The following TM9SF1 variants were observed in gnomAD, a reference collection of about 807,000 sequenced individuals.
TM9SF1 encodes the protein MP70 protein family member.
In TM9SF1, 25 loss-of-function variants were observed where a neutral mutation model predicts 52.4. That is an observed-to-expected ratio of 0.48 (90% CI 0.35 to 0.67). The LOEUF is 0.67. Ranked by LOEUF, TM9SF1 falls within the 30% of genes least tolerant of loss-of-function variation. The pLI is 0.01. For synonymous variants in TM9SF1, 284 were observed against 299.8 expected (o/e 0.95, Z 0.55); for missense variants, 604 against 780.3 (o/e 0.77, Z 2.69).
intron 4 of TM9SF1, among the ~76,000 whole-genome samples, chr14:24,190,943 G>A (rs1312550779): frequency 7.5e-6 from 1 of 132,644 alleles, no homozygotes; most frequent in Non-Finnish European, 1.5e-5. Context: ...CTCACTGCAA[G>A]CTCCGCCTCC....
chr14:24,190,840 C>T (rs904979105), intron 4 of TM9SF1, among the ~76,000 whole-genome samples, 187 bp from the exon 5 acceptor site: 8 of 126,790 alleles, frequency 6.3e-5, no homozygotes, highest in African/African-American at 2.4e-4. Context: ...TCCCATTATT[C>T]TTTGTTCTGT....
Position 24,189,558 on chromosome 14 carries a change from T to C in TM9SF1, c.1678A>G (p.Met560Val), listed in dbSNP as rs962264757. ...SVFYYARRSN[M>V]SGAVQTVEFF... ...TCTACTGTCTGTACTGCCCCAGACA[T>C]GTTGGAGCGCCGGGCATAATAGAAA... Residue 560 changes from methionine (M) to valine (V), a missense_variant, in exon 6 of 6, where the codon ATG becomes GTG. Coordinates refer to ENST00000261789, the MANE Select transcript of TM9SF1 (RefSeq NM_006405.7). 2 of 1,614,000 alleles carry C rather than the reference T, an allele frequency of 1.2e-6. No homozygotes were observed. The highest frequency in any genetic ancestry group is 1.7e-6 in the Non-Finnish European group (2 of 1,180,002).
intron 1 of TM9SF1, 152 bp from the exon 2 acceptor site, chr14:24,195,188 G>A (rs1444888122): frequency 1.1e-5 from 7 of 609,114 alleles, no homozygotes; most frequent in Non-Finnish European, 2.0e-5. Context: ...CAAAGACCCC[G>A]CTCCACCTCT....
At chr14:24,193,919 CA>C (rs773893022) in intron 2 of TM9SF1, among the ~76,000 whole-genome samples, 212 of 124,646 alleles carry the variant, frequency 1.7e-3, no homozygotes, top group Admixed American at 1.8e-3. Context: ...GACTCTGTCT[CA>C]AAAAAAAAAA....
At chr14:24,193,837 G>A (rs1467368697) in intron 2 of TM9SF1, among the ~76,000 whole-genome samples, 9 of 151,576 alleles carry the variant, frequency 5.9e-5, no homozygotes, top group African/African-American at 1.5e-4. Flanking sequence ...GGAGAATGGC[G>A]TGAACCCGGG....
At chr14:24,195,133 C>T in intron 1 of TM9SF1, 97 bp from the exon 2 acceptor site, 2 of 769,178 alleles carry the variant, frequency 2.6e-6, no homozygotes, top group East Asian at 2.6e-5. Context: ...CACTTGCTCC[C>T]ATTGGCCCCC....
chr14:24,192,572 C>T lies in TM9SF1; in HGVS notation c.967+76G>A. ...CCCTCTGGATAGAAGAGAAGATCCA[C>T]AGACCTTTTCTGAACAAACTCCCTA... On this transcript the variant is annotated intron_variant, in intron 3 of 5. Transcript: ENST00000261789. The surrounding 1 kb of genome is among the most constrained non-coding windows in gnomAD (Gnocchi z 4.0). 4.0e-6 allele frequency: 6 copies of T among 1,497,768 alleles called. No homozygotes were observed. Among genetic ancestry groups the T allele is most frequent in the Non-Finnish European group, 5.4e-6 (6 of 1,120,238 alleles). 92.8% of individuals were successfully genotyped at this position (1,497,768 alleles called of 1,614,324 possible).
intron 2 of TM9SF1, 52 bp downstream of exon 2, chr14:24,194,623 T>A: frequency 6.6e-7 from 1 of 1,506,644 alleles, no homozygotes; most frequent in Non-Finnish European, 9.2e-7. Flanking sequence ...TGTAAGGCAC[T>A]GTTAGTCTCT....
In TM9SF1 at chr14:24,192,434, T is replaced by C. The variant is rs1029530474; in HGVS notation, c.968-78A>G. 1 of 1,515,038 alleles carries C rather than the reference T, an allele frequency of 6.6e-7. No homozygotes were observed. Among genetic ancestry groups the C allele is most frequent in the African/African-American group, 1.4e-5 (1 of 72,750 alleles). 93.8% of individuals were successfully genotyped at this position (1,515,038 alleles called of 1,614,324 possible). ...GCAATTTCAGAGGAATCAGCCCCCC[T>C]TCTCCCAGACCCAGGGCCTCCAGCA... On this transcript the variant is annotated intron_variant, in intron 3 of 5. Transcript: ENST00000261789. The surrounding 1 kb of genome is among the most constrained non-coding windows in gnomAD (Gnocchi z 4.0).
intron 4 of TM9SF1, chr14:24,191,869 G>A (rs1353184067): frequency 6.6e-6 from 2 of 303,392 alleles, no homozygotes; most frequent in East Asian, 6.3e-5. Flanking sequence ...GTGCAGTGGT[G>A]CAATCATGGC....
Position 24,190,496 on chromosome 14 carries a change from G to T in TM9SF1, c.1311C>A (p.Asn437Lys), listed in dbSNP as rs768003463. The change falls in exon 5 of 6, where the codon AAC becomes AAA. Residue 437 changes from asparagine to lysine, a missense_variant. By Grantham distance (94) the Asn-to-Lys change is moderately conservative (BLOSUM62 0). Transcript: ENST00000261789. ...TVIGGIFGKN[N>K]ASPFDAPCRT... The stretch of plus-strand genomic sequence containing the variant: ...GACAGGGTGCATCAAAGGGGCTGGC[G>T]TTGTTCTTCCCAAAGATGCCTCCAA... 1.9e-6 allele frequency: 3 copies of T among 1,614,200 alleles called. No homozygotes were observed. Among genetic ancestry groups the T allele is most frequent in the Non-Finnish European group, 2.5e-6 (3 of 1,180,036 alleles).
intron 1 of TM9SF1, 150 bp downstream of exon 1, chr14:24,195,196 T>C (rs765512338): frequency 3.3e-6 from 2 of 603,350 alleles, no homozygotes; most frequent in Non-Finnish European, 2.9e-6. Flanking sequence ...CCGCTCCACC[T>C]CTGCTCTCTC....
In TM9SF1 at chr14:24,192,793, G is replaced by A. The variant is rs1425991804; in HGVS notation, c.822C>T (p.Thr274=). ...DLARYNLDEE[T]TSAGSGDDFD... is the part of the protein sequence containing the mutation. ...AGTCATCACCAGAACCTGCAGAGGT[G>A]GTCTCCTCATCTAAGTTGTACCGAG... Residue 274 remains threonine (T), a synonymous_variant, in exon 3 of 6, where the codon ACC becomes ACT. Transcript: ENST00000261789. This position sits in a 1 kb window ranked among gnomAD's most constrained non-coding sequence, Gnocchi z 4.0. 2.5e-6 allele frequency: 4 copies of A among 1,613,966 alleles called. No homozygotes were observed. The highest frequency in any genetic ancestry group is 3.3e-5 in the Admixed American group (2 of 59,994).
Position 24,194,741 on chromosome 14 carries a change from A to T in TM9SF1, c.279T>A (p.Tyr93Ter), listed in dbSNP as rs772412330. Residue 93 changes from tyrosine to a stop codon, truncating the protein, a stop_gained, in exon 2 of 6, where the codon TAT becomes TAA. Coordinates refer to ENST00000261789, the MANE Select transcript of TM9SF1 (RefSeq NM_006405.7). LOFTEE classifies it high-confidence loss of function. ...LDGDRMAESLYEIRFRENVEK... is the reference protein window; with the variant it reads ...LDGDRMAESL ...CCACGTTTTCCCGAAAGCGGATCTCATACAAAGACTCAGCCATTCGGTCCC... is the reference window on the plus strand; with the variant it reads ...CCACGTTTTCCCGAAAGCGGATCTCTTACAAAGACTCAGCCATTCGGTCCC... 6.2e-7 allele frequency: 1 copy of T among 1,611,620 alleles called. No homozygotes were observed. Among genetic ancestry groups the T allele is most frequent in the Non-Finnish European group, 8.5e-7 (1 of 1,177,700 alleles).
At position 24,194,998 on chromosome 14, in the gene TM9SF1, G is replaced by T. The variant is rs770449240; in HGVS notation, c.22C>A (p.Arg8=). 5.0e-6 allele frequency: 8 copies of T among 1,613,870 alleles called. No individual in the cohort carries two copies. The highest frequency in any genetic ancestry group is 6.8e-6 in the Non-Finnish European group (8 of 1,179,994). Reference sequence around the variant, plus strand: ...GGCAACCACTGGCAGCTCCAACTTCGAGGGTTCCCTACGACTGTCATCCTT... The same window carrying T: ...GGCAACCACTGGCAGCTCCAACTTCTAGGGTTCCCTACGACTGTCATCCTT... The part of the protein sequence containing the change: MTVVGNP[R]SWSCQWLPIL... Residue 8 remains arginine, a synonymous_variant, in exon 2 of 6, where the codon CGA becomes AGA. Transcript: ENST00000261789.
Position 24,190,609 on chromosome 14 carries a change from C to T in TM9SF1, c.1198G>A (p.Ala400Thr), listed in dbSNP as rs774662502. The T allele has an allele frequency of 1.7e-5, 27 of 1,613,892 alleles. No individual in the cohort carries two copies. The Middle Eastern group carries it at 4.9e-4, about 29-fold the overall frequency. Residue 400 changes from alanine to threonine, a missense_variant, in exon 5 of 6, where the codon GCC becomes ACC. Physicochemically the swap from Ala to Thr is moderately conservative, Grantham distance 58. This residue lies in a region of TM9SF1 where 450 missense variants were observed against 560.1 expected (regional missense o/e 0.80). Transcript: ENST00000261789. ...TWSVVNSVHW[A>T]NGSTQALPAT... is the part of the protein sequence containing the mutation. ...GGCAGAGCCTGTGTCGAACCATTGG[C>T]CCAATGCACTGAGTTCACCACACTC...
At position 24,189,390 on chromosome 14, in the gene TM9SF1, C is replaced by T. The variant is rs2039281493; in HGVS notation, c.*25G>A. The T allele has an allele frequency of 6.3e-7, 1 of 1,590,126 alleles. No individual in the cohort carries two copies. On this transcript the variant is annotated 3_prime_UTR_variant, in exon 6 of 6. Coordinates refer to ENST00000261789, the MANE Select transcript of TM9SF1 (RefSeq NM_006405.7). ...ACAGGGCATGAAGAAAGGGAGAGAACAGCAATAGTTCTGCCATACAGAACT... is the reference window on the plus strand; with the variant it reads ...ACAGGGCATGAAGAAAGGGAGAGAATAGCAATAGTTCTGCCATACAGAACT...
rs902447506 is a variant in TM9SF1 at position 24,192,571 on chromosome 14, A to T, written c.967+77T>A. 2.2e-5 allele frequency: 33 copies of T among 1,496,670 alleles called. No individual in the cohort carries two copies. Among genetic ancestry groups the T allele is most frequent in the Non-Finnish European group, 2.5e-5 (28 of 1,119,302 alleles). The allele number at this position is 1,496,670 out of a possible 1,614,324, so 92.7% of individuals were successfully genotyped here. A position where few individuals can be genotyped will look rare whatever the true frequency, so the allele number is the denominator to read the frequency against. On this transcript the variant is annotated intron_variant, in intron 3 of 5. Transcript: ENST00000261789. The surrounding 1 kb of genome is among the most constrained non-coding windows in gnomAD (Gnocchi z 4.0). The stretch of plus-strand genomic sequence containing the variant: ...CCCCTCTGGATAGAAGAGAAGATCC[A>T]CAGACCTTTTCTGAACAAACTCCCT...
intron 4 of TM9SF1, chr14:24,191,814 CTT>C (rs540154238): frequency 1.2e-3 from 209 of 170,032 alleles, no homozygotes; most frequent in South Asian, 3.4e-3. Context: ...ATGATGTGTT[CTT>C]TTTTTTTTTT....
Sources: allele counts gnomAD v4.1 joint callset (sites outside exome capture counted in the v4.1 genomes callset), GRCh38; gene constraint gnomAD v4.1.1; regional missense constraint gnomAD v4.1.1; non-coding constraint Gnocchi (gnomAD v3.1); transcripts MANE v1.5; gene names NCBI Gene and HGNC (gene_info 2026-07-23, HGNC 2026-07-21).